Variants in CHST15 observed in about 807,000 individuals in gnomAD.
CHST15 encodes carbohydrate sulfotransferase 15.
CHST15 carries 30 observed loss-of-function variants against 53.6 expected under a neutral mutation model. That is an observed-to-expected ratio of 0.56 (90% CI 0.42 to 0.76). The LOEUF is 0.76. Ranked by LOEUF, CHST15 falls within the 30% of genes least tolerant of loss-of-function variation. CHST15 has a pLI of 0.00. For synonymous variants in CHST15, 296 were observed against 289.8 expected, an observed-to-expected ratio of 1.02 and a Z score of -0.22; for missense variants, 627 against 740.5, an observed-to-expected ratio of 0.85 and a Z score of 1.78.
chr10:124,028,538 G>T (rs527879331), intron 5 of CHST15, among the ~76,000 whole-genome samples: 22 of 152,174 alleles, frequency 1.4e-4, no homozygotes, highest in Non-Finnish European at 2.9e-4. Context: ...CCACACAGCT[G>T]TGTGAACACC....
rs186851094 is a variant in CHST15 at position 124,044,734 on chromosome 10, G to T, written c.732C>A (p.His244Gln). Residue 244 changes from histidine (H) to glutamine (Q), a missense_variant, in exon 3 of 8, where the codon CAC becomes CAA. Physicochemically the swap from His to Gln is conservative, Grantham distance 24 (BLOSUM62 0). Around this residue, in one of 3 missense-constraint regions of CHST15, gnomAD observed 161 missense variants for 117.2 expected, o/e 1.37. Coordinates refer to ENST00000435907, the MANE Select transcript of CHST15 (RefSeq NM_001270764.2). ...GGCAGCGCAGGCGGAAGTGCTTCCC[G>T]TGCGCGTGCGCCAGGTGGCCCCAGA... ...KAFWGHLAHA[H>Q]GKHFRLRCLP... The T allele has an allele frequency of 2.5e-6, 4 of 1,613,382 alleles. No individual in the cohort carries two copies. In the African/African-American group the frequency reaches 5.3e-5, roughly 22 times the overall value.
At chr10:124,068,031 G>A (rs1053967387) in intron 1 of CHST15, among the ~76,000 whole-genome samples, 1 of 152,200 alleles carries the variant, frequency 6.6e-6, no homozygotes, top group Non-Finnish European at 1.5e-5. Flanking sequence ...ATCCAGATAC[G>A]TAATGTCAAA....
At chr10:124,058,385 C>T (rs923653032) in intron 1 of CHST15, among the ~76,000 whole-genome samples, 1 of 152,238 alleles carries the variant, frequency 6.6e-6, no homozygotes, top group Non-Finnish European at 1.5e-5. Flanking sequence ...AAGGCACTCT[C>T]TGAGGTCAGC....
chr10:124,069,536 A>T (rs1243644035), intron 1 of CHST15, among the ~76,000 whole-genome samples: 1 of 152,216 alleles, frequency 6.6e-6, no homozygotes, highest in Non-Finnish European at 1.5e-5. Context: ...CCTCAAAGGC[A>T]ACACAGGGGA....
intron 1 of CHST15, among the ~76,000 whole-genome samples, chr10:124,087,215 G>A (rs937838897): frequency 7.2e-5 from 11 of 152,078 alleles, no homozygotes; most frequent in African/African-American, 2.4e-4. Flanking sequence ...CCAGTCCCTC[G>A]GGACAGCTAC....
Position 124,010,873 on chromosome 10 carries a change from G to C in CHST15, c.1496-534C>G, listed in dbSNP as rs946189700. On this transcript the variant is annotated intron_variant, in intron 7 of 7. Coordinates refer to ENST00000435907, the MANE Select transcript of CHST15 (RefSeq NM_001270764.2). ...GAGGAGGGCTGGGAGGAGGCCACTT[G>C]TGCCCAGAGCCCCCACTGGCTGAAC... 3.0e-6 allele frequency: 3 copies of C among 985,334 alleles called. No individual in the cohort carries two copies. In the Admixed American group the frequency reaches 1.8e-4, roughly 61 times the overall value. The allele number at this position is 985,334 out of a possible 1,614,324, so 61.0% of individuals were successfully genotyped here. A position where few individuals can be genotyped will look rare whatever the true frequency, so the allele number is the denominator to read the frequency against.
intron 6 of CHST15, among the ~76,000 whole-genome samples, chr10:124,018,841 G>C (rs1946673105): frequency 6.6e-6 from 1 of 152,180 alleles, no homozygotes. Context: ...GCCAGTGGCT[G>C]AATCAGGGCA....
intron 3 of CHST15, among the ~76,000 whole-genome samples, chr10:124,043,754 C>T (rs1266923013): frequency 6.6e-6 from 1 of 152,244 alleles, no homozygotes; most frequent in African/African-American, 2.4e-5. Context: ...GAATGATCTC[C>T]ATGTGGTTAT....
chr10:124,092,668 C>T (rs1223411011), intron 1 of CHST15, among the ~76,000 whole-genome samples: 1 of 152,086 alleles, frequency 6.6e-6, no homozygotes, highest in African/African-American at 2.4e-5. Context: ...GGAAGCGCAT[C>T]CGAGCTCGCA....
chr10:124,017,470 C>T (rs549595473), intron 6 of CHST15, among the ~76,000 whole-genome samples: 10 of 152,122 alleles, frequency 6.6e-5, no homozygotes, highest in South Asian at 2.1e-4. Context: ...TTGAGAGTCA[C>T]GCAGGATCAC....
chr10:124,037,218 AC>A (rs535456609), intron 5 of CHST15, among the ~76,000 whole-genome samples: 29 of 152,234 alleles, frequency 1.9e-4, no homozygotes, highest in Non-Finnish European at 4.0e-4. Context: ...AAATAAGGTC[AC>A]AGTCATACAC....
intron 5 of CHST15, among the ~76,000 whole-genome samples, chr10:124,030,106 G>T (rs1947167895): frequency 6.6e-6 from 1 of 152,172 alleles, no homozygotes; most frequent in Non-Finnish European, 1.5e-5. Flanking sequence ...CAGCTTGGTG[G>T]TTTTTCTCCC....
In CHST15 at chr10:124,024,065, G is replaced by A. The variant is rs192624808; in HGVS notation, c.1191-2653C>T. 3.2e-3 allele frequency among the ~76,000 whole-genome samples: 494 copies of A among 152,166 alleles called. 4 individuals are homozygous for A. The highest frequency in any genetic ancestry group is 0.012 in the African/African-American group (478 of 41,512). On this transcript the variant is annotated intron_variant, in intron 5 of 7. Coordinates refer to ENST00000435907, the MANE Select transcript of CHST15 (RefSeq NM_001270764.2). This position sits in a 1 kb window ranked among gnomAD's most constrained non-coding sequence, Gnocchi z 4.0. ...TCACTGTGTTGGCCAGGCTGGTCTC[G>A]AACTCCAGACCTCAGGTGATCCACC... is the stretch of plus-strand genomic sequence containing the variant.
intron 6 of CHST15, among the ~76,000 whole-genome samples, chr10:124,014,707 G>T (rs1049612598): frequency 1.3e-5 from 2 of 152,176 alleles, no homozygotes; most frequent in Non-Finnish European, 1.5e-5. Context: ...TTTTCCAGAG[G>T]ACGTGCCTTT....
chr10:124,018,814 G>A (rs1946671578), intron 6 of CHST15, among the ~76,000 whole-genome samples: 1 of 152,184 alleles, frequency 6.6e-6, no homozygotes, highest in Admixed American at 6.5e-5. Flanking sequence ...TGTGCAGGTG[G>A]AGGTTACAAT....
At chr10:124,076,629 T>C (rs1949080007) in intron 1 of CHST15, among the ~76,000 whole-genome samples, 2 of 152,216 alleles carry the variant, frequency 1.3e-5, no homozygotes, top group Admixed American at 1.3e-4. Context: ...CGTGGACCCA[T>C]GGTCAATCAC....
rs1946353650 is a variant in CHST15, at chr10:124,009,472, T to C, written c.*677A>G. ...GCCAAAAACTGACTTATTTTTTTCC[T>C]TTTGGAAACAGTGACGTTAACAGGG... is the stretch of plus-strand genomic sequence containing the variant. On this transcript the variant is annotated 3_prime_UTR_variant, in exon 8 of 8. Coordinates refer to ENST00000435907, the MANE Select transcript of CHST15 (RefSeq NM_001270764.2). 1 of 989,234 alleles carries C rather than the reference T, an allele frequency of 1.0e-6. No individual in the cohort carries two copies. The highest frequency in any genetic ancestry group is 1.7e-5 in the African/African-American group (1 of 57,240). The allele number at this position is 989,234 out of a possible 1,614,324, so 61.3% of individuals were successfully genotyped here. A position where few individuals can be genotyped will look rare whatever the true frequency, so the allele number is the denominator to read the frequency against.
Position 124,046,501 on chromosome 10 carries a change from C to T in CHST15, c.-289G>A, listed in dbSNP as rs745833414. On this transcript the variant is annotated 5_prime_UTR_variant, in exon 2 of 8. Transcript: ENST00000435907. ...GGTCACAAGTTCGGGAGCAGCTCTG[C>T]CTGCCCTTCAGGTTTTTCCCATGGC... 58 of 314,546 alleles carry T rather than the reference C, an allele frequency of 1.8e-4. No homozygotes were observed. Among genetic ancestry groups the T allele is most frequent in the Non-Finnish European group, 3.0e-4 (52 of 172,682 alleles). The allele number at this position is 314,546 out of a possible 1,614,324, so 19.5% of individuals were successfully genotyped here.
intron 1 of CHST15, among the ~76,000 whole-genome samples, chr10:124,066,763 A>G (rs1332646174): frequency 6.6e-6 from 1 of 152,196 alleles, no homozygotes; most frequent in East Asian, 1.9e-4. Flanking sequence ...CTGGGCTGCC[A>G]TGCACCTCCC....
Sources: gnomAD v4.1 joint callset for allele counts (sites outside exome capture counted in the v4.1 genomes callset) on GRCh38, gnomAD v4.1.1 for gene constraint, gnomAD v4.1.1 regional missense constraint, Gnocchi (gnomAD v3.1) non-coding constraint, MANE v1.5 for transcripts, NCBI Gene and HGNC (gene_info 2026-07-23, HGNC 2026-07-21) for gene names.